Variants in SDK1 observed in about 807,000 individuals in gnomAD.
The protein encoded by SDK1 is sidekick cell adhesion molecule 1.
In SDK1, 157 loss-of-function variants were observed where a neutral mutation model predicts 245.5. That is an observed-to-expected ratio of 0.64 (90% CI 0.56 to 0.73). The LOEUF is 0.73. Among genes scored for constraint, SDK1 ranks in the 30% least tolerant of loss-of-function variants. The probability of loss-of-function intolerance (pLI) is 0.00; values close to 1 mark genes in which losing one functional copy is unlikely to be tolerated. For missense variants in SDK1, 3,583 were observed against 3,002.3 expected (o/e 1.19, Z -4.52); for synonymous variants, 1,647 against 1,278.5 (o/e 1.29, Z -6.15).
Position 3,828,654 on chromosome 7 carries a change from TTTTTTTTTTTTG to T in SDK1, c.847+7079_847+7090del, listed in dbSNP as rs1191958311. Among the ~76,000 whole-genome samples, 13 of 22,700 alleles carry T rather than the reference TTTTTTTTTTTTG, an allele frequency of 5.7e-4. No homozygotes were observed. The Admixed American group carries it at 8.7e-3, about 15-fold the overall frequency. 14.9% of individuals were successfully genotyped at this position (22,700 alleles called of 152,430 possible). The stretch of plus-strand genomic sequence containing the variant: ...TTTTTTAAGAATTTTTTGTTCTTTT[TTTTTTTTTTTTG>T]TTTTTTTGACACAAGGACTCTGTCA... On this transcript the variant is annotated intron_variant, in intron 5 of 44. Coordinates refer to ENST00000404826, the MANE Select transcript of SDK1 (RefSeq NM_152744.4).
intron 1 of SDK1, among the ~76,000 whole-genome samples, chr7:3,503,268 A>C (rs951680838): frequency 1.3e-5 from 2 of 152,228 alleles, no homozygotes; most frequent in Non-Finnish European, 2.9e-5. Flanking sequence ...CAGCATCCCT[A>C]TTTGGAAGAA....
intron 1 of SDK1, among the ~76,000 whole-genome samples, chr7:3,313,955 G>A (rs1213542636): frequency 1.3e-5 from 2 of 152,124 alleles, no homozygotes; most frequent in African/African-American, 2.4e-5. Flanking sequence ...GTGAGCAGGA[G>A]TTAATTCATC....
chr7:4,046,968 C>T (rs1478260984), intron 17 of SDK1, among the ~76,000 whole-genome samples: 1 of 152,018 alleles, frequency 6.6e-6, no homozygotes, highest in Non-Finnish European at 1.5e-5. Flanking sequence ...TCCAATGCAC[C>T]CATGTGATAT....
rs764873061 is a variant in SDK1 at position 4,084,769 on chromosome 7, A to AT, written c.3324+5188dup. Among the ~76,000 whole-genome samples, 522 of 148,426 alleles carry AT rather than the reference A, an allele frequency of 3.5e-3. 1 individual carries two copies. The highest frequency in any genetic ancestry group is 6.8e-3 in the Middle Eastern group (2 of 294). On this transcript the variant is annotated intron_variant, in intron 22 of 44. Coordinates refer to ENST00000404826, the MANE Select transcript of SDK1 (RefSeq NM_152744.4). ...TGTATATTTTATTTTATTTTATTTT[A>AT]TTTATTTATTTATTTGAGATGGAGT...
At chr7:3,621,686 C>A (rs1268067187) in intron 2 of SDK1, among the ~76,000 whole-genome samples, 1 of 152,186 alleles carries the variant, frequency 6.6e-6, no homozygotes, top group East Asian at 1.9e-4. Context: ...GTTTCTCCTC[C>A]ATCCCAGGAG....
At chr7:3,752,587 ATTTTT>A (rs952371199) in intron 4 of SDK1, among the ~76,000 whole-genome samples, 13 of 151,466 alleles carry the variant, frequency 8.6e-5, no homozygotes, top group Non-Finnish European at 4.4e-5. Flanking sequence ...TATAGAAATT[ATTTTT>A]TTTTGAGAGT....
chr7:3,935,488 G>A (rs186937670), intron 5 of SDK1, among the ~76,000 whole-genome samples: 21 of 152,028 alleles, frequency 1.4e-4, no homozygotes, highest in African/African-American at 4.8e-4. Context: ...ATATAATAAG[G>A]GATTAAAATC....
At chr7:3,651,914 G>A (rs574879460) in intron 4 of SDK1, among the ~76,000 whole-genome samples, 4 of 152,276 alleles carry the variant, frequency 2.6e-5, no homozygotes, top group South Asian at 2.1e-4. Flanking sequence ...CTAAGCCAAC[G>A]ATCCCAAGTC....
chr7:4,039,900 A>G (rs1788489289), intron 17 of SDK1, among the ~76,000 whole-genome samples: 1 of 150,894 alleles, frequency 6.6e-6, no homozygotes, highest in South Asian at 2.1e-4. Flanking sequence ...ACCAGATAAT[A>G]ATTATAAACA....
chr7:3,872,959 C>T (rs933851290), intron 5 of SDK1, among the ~76,000 whole-genome samples: 2 of 152,092 alleles, frequency 1.3e-5, no homozygotes, highest in Non-Finnish European at 2.9e-5. Context: ...ACTATTACAG[C>T]TTTAACCAGT....
intron 1 of SDK1, among the ~76,000 whole-genome samples, chr7:3,323,859 A>G (rs1203333363): frequency 6.6e-6 from 1 of 152,208 alleles, no homozygotes; most frequent in African/African-American, 2.4e-5. Flanking sequence ...CAGTGTTTAT[A>G]GTTTATTGAT....
intron 28 of SDK1, among the ~76,000 whole-genome samples, chr7:4,143,594 C>T (rs919055366): frequency 2.0e-5 from 3 of 152,214 alleles, no homozygotes; most frequent in African/African-American, 7.2e-5. Context: ...AGGTGCACCC[C>T]CAAAGGTGTG....
intron 10 of SDK1, among the ~76,000 whole-genome samples, chr7:3,968,218 A>T (rs1036103683): frequency 2.0e-5 from 3 of 152,114 alleles, no homozygotes; most frequent in African/African-American, 7.2e-5. Flanking sequence ...TCTGCAGTCA[A>T]CCTGGGACGC....
chr7:4,125,727 C>G (rs1196980231), intron 25 of SDK1, among the ~76,000 whole-genome samples: 1 of 152,194 alleles, frequency 6.6e-6, no homozygotes, highest in African/African-American at 2.4e-5. Flanking sequence ...CATTCTCACT[C>G]TAAAGGCTAG....
chr7:4,194,679 C>T (rs185447486), intron 35 of SDK1, among the ~76,000 whole-genome samples: 2 of 152,166 alleles, frequency 1.3e-5, no homozygotes, highest in African/African-American at 4.8e-5. Context: ...CAGTCTCACT[C>T]ATTTCACGTT....
At chr7:4,229,376 A>G (rs1002008146) in intron 40 of SDK1, among the ~76,000 whole-genome samples, 1 of 152,252 alleles carries the variant, frequency 6.6e-6, no homozygotes, top group African/African-American at 2.4e-5. Flanking sequence ...CTGTTAATTC[A>G]GAAGGAAATT....
chr7:3,937,121 C>A (rs934912680), intron 5 of SDK1, among the ~76,000 whole-genome samples: 1 of 152,104 alleles, frequency 6.6e-6, no homozygotes, highest in Non-Finnish European at 1.5e-5. Context: ...AAGACTGCAC[C>A]GAGATCTGGA....
chr7:3,301,745 G>T lies in SDK1; in HGVS notation c.159G>T (p.Ala53=), dbSNP rs1438722000. 3.1e-6 allele frequency: 3 copies of T among 980,962 alleles called. No homozygotes were observed. The highest frequency in any genetic ancestry group is 2.3e-4 in the East Asian group (2 of 8,630). The allele number at this position is 980,962 out of a possible 1,614,324, so 60.8% of individuals were successfully genotyped here. A position where few individuals can be genotyped will look rare whatever the true frequency, so the allele number is the denominator to read the frequency against. ...GCCCGGAGCCCTCGCGACCCCGGGC[G>T]GCGCCCGAGACCTCCGGCGGGGACA... ...RPGPEPSRPR[A]APETSGGDTA... The change falls in exon 1 of 45, where the codon GCG becomes GCT. Residue 53 remains alanine (A), a synonymous_variant. Coordinates refer to ENST00000404826, the MANE Select transcript of SDK1 (RefSeq NM_152744.4).
At chr7:3,504,223 A>C (rs1291949526) in intron 1 of SDK1, among the ~76,000 whole-genome samples, 5 of 71,554 alleles carry the variant, frequency 7.0e-5, no homozygotes, top group African/African-American at 1.8e-4. Flanking sequence ...TAGATAAAAC[A>C]CAATTCATAT....
Sources: allele counts gnomAD v4.1 joint callset (sites outside exome capture counted in the v4.1 genomes callset), GRCh38; gene constraint gnomAD v4.1.1; transcripts MANE v1.5; gene names NCBI Gene and HGNC (gene_info 2026-07-23, HGNC 2026-07-21).